The following ANAPC15 variants were observed in gnomAD, a reference collection of about 807,000 sequenced individuals.
ANAPC15 encodes the protein anaphase promoting complex subunit 15, also known as anaphase-promoting complex subunit 15.
In ANAPC15, 13 loss-of-function variants were observed where a neutral mutation model predicts 19.8. The ratio of observed to expected loss-of-function variants is 0.66; its 90% CI spans 0.43 to 1.04. The LOEUF (loss-of-function observed/expected upper bound fraction) is 1.04. Among genes scored for constraint, ANAPC15 ranks in the 50% least tolerant of loss-of-function variants. ANAPC15 has a pLI of 0.00. For missense variants in ANAPC15, 88 were observed against 150.3 expected, an observed-to-expected ratio of 0.59 and a Z score of 2.17; for synonymous variants, 45 against 50.7, an observed-to-expected ratio of 0.89 and a Z score of 0.47.
chr11:72,111,359 A>G (rs1946889743), intron 2 of ANAPC15, 53 bp downstream of exon 2: 3 of 1,223,162 alleles, frequency 2.5e-6, no homozygotes, highest in Non-Finnish European at 3.6e-6. Context: ...TGATTTAGGG[A>G]TAGGGTGGAA....
chr11:72,107,529 A>T, downstream of ANAPC15: 1 of 702,872 alleles, frequency 1.4e-6, no homozygotes, highest in Non-Finnish European at 2.6e-6. Flanking sequence ...GGAATGAGAC[A>T]GCTTGATGGA....
downstream of ANAPC15, chr11:72,108,068 G>C (rs772573727): frequency 6.5e-7 from 1 of 1,541,918 alleles, no homozygotes; most frequent in African/African-American, 1.4e-5. Context: ...ACCCACGCAC[G>C]GCAGCAGTGG....
At chr11:72,109,526 A>C (rs116397624), downstream of ANAPC15, 1,435 of 402,444 alleles carry the variant, frequency 3.6e-3, 15 homozygotes, top group African/African-American at 0.027. Context: ...CTCTTCCTAA[A>C]GCCCAAAAGA....
chr11:72,111,826 G>A (rs1413744027), intron 1 of ANAPC15: 2 of 154,928 alleles, frequency 1.3e-5, no homozygotes, highest in Non-Finnish European at 2.9e-5. Flanking sequence ...TCGGGGTGGA[G>A]GGATTGTAGC....
At chr11:72,107,676 AG>A, downstream of ANAPC15, 1 of 616,970 alleles carries the variant, frequency 1.6e-6, no homozygotes, top group Non-Finnish European at 2.9e-6. Context: ...TCAATCCCAA[AG>A]GCCTTCAGCT....
upstream of ANAPC15, chr11:72,112,736 A>G (rs570492847): frequency 2.6e-5 from 12 of 456,624 alleles, no homozygotes; most frequent in South Asian, 1.5e-4. Context: ...GGACTCACCA[A>G]ACGCATGCGT....
chr11:72,111,049 C>A (rs1300994148), intron 3 of ANAPC15, 108 bp downstream of exon 3: 2 of 812,876 alleles, frequency 2.5e-6, no homozygotes, highest in Non-Finnish European at 2.0e-6. Context: ...CAGCTCAGGG[C>A]AAAAAGCTCT....
downstream of ANAPC15, chr11:72,108,063 C>T (rs1038978268): frequency 1.7e-5 from 26 of 1,545,742 alleles, no homozygotes; most frequent in Non-Finnish European, 2.0e-5. Context: ...GCGGGACCCA[C>T]GCACGGCAGC....
chr11:72,111,313 TTTTGC>T, intron 2 of ANAPC15, 27 bp from the exon 3 acceptor site: 1 of 1,534,810 alleles, frequency 6.5e-7, no homozygotes, highest in Non-Finnish European at 9.0e-7. Flanking sequence ...AGTGAATGTG[TTTTGC>T]TTTGTTTTTG....
At chr11:72,110,042 A>G (rs752485472) in intron 5 of ANAPC15, 46 bp downstream of exon 5, 2 of 1,613,938 alleles carry the variant, frequency 1.2e-6, no homozygotes, top group African/African-American at 1.3e-5. Context: ...CTGGGTCAGG[A>G]GCAAGGGTCC....
At chr11:72,108,093 C>T (rs562245343), downstream of ANAPC15, 86 of 1,531,054 alleles carry the variant, frequency 5.6e-5, no homozygotes, top group Non-Finnish European at 7.0e-5. Context: ...AAAACTCATC[C>T]GCCTGGCCGG....
Position 72,109,926 on chromosome 11 carries a change from C to T in ANAPC15, c.321G>A (p.Val107=), listed in dbSNP as rs1396349490. Residue 107 remains valine (V), a splice_region_variant and synonymous_variant, in exon 6 of 6, where the codon GTG becomes GTA. Coordinates refer to ENST00000227618, the MANE Select transcript of ANAPC15 (RefSeq NM_014042.3). ...GATCCTGTTCGTTGCCTTCCATGTC[C>T]ACCTGGAGAGGAGGCTGGGTGTGGG... is the stretch of plus-strand genomic sequence containing the variant. ...ESPDDGEVNE[V]DMEGNEQDQD... 1 of 1,614,102 alleles carries T rather than the reference C, an allele frequency of 6.2e-7. No individual in the cohort carries two copies. Among genetic ancestry groups the T allele is most frequent in the Non-Finnish European group, 8.5e-7 (1 of 1,180,008 alleles).
intron 1 of ANAPC15, 83 bp downstream of exon 1, chr11:72,112,567 T>G (rs948914909): frequency 1.4e-5 from 6 of 418,508 alleles, no homozygotes; most frequent in African/African-American, 1.0e-4. Flanking sequence ...TCCTGGGGAG[T>G]CGGGTCAAAG....
downstream of ANAPC15, chr11:72,109,464 C>G (rs1946123887): frequency 2.5e-6 from 1 of 399,122 alleles, no homozygotes; most frequent in Admixed American, 3.2e-5. Context: ...CTGGCCTTCC[C>G]TAACTCTGGC....
chr11:72,107,800 G>A (rs1310445216), downstream of ANAPC15: 1 of 1,042,672 alleles, frequency 9.6e-7, no homozygotes, highest in Non-Finnish European at 1.4e-6. Flanking sequence ...TATGGTACAA[G>A]AGACAGATGA....
chr11:72,107,355 CAG>C, downstream of ANAPC15: 2 of 651,598 alleles, frequency 3.1e-6, no homozygotes, highest in South Asian at 3.3e-5. Flanking sequence ...CAAATTCTAA[CAG>C]AGACCTTTCA....
At chr11:72,110,871 A>G (rs566590072) in intron 3 of ANAPC15, 1 of 577,806 alleles carries the variant, frequency 1.7e-6, no homozygotes, top group Non-Finnish European at 3.0e-6. Context: ...CATCTGCTAG[A>G]TCCTCAATTA....
downstream of ANAPC15, chr11:72,107,848 G>A: frequency 6.7e-7 from 1 of 1,496,008 alleles, no homozygotes; most frequent in Non-Finnish European, 9.1e-7. Flanking sequence ...AGGCAGGTAG[G>A]CATTTGAGAT....
In ANAPC15 at chr11:72,110,241, G is replaced by C; in HGVS notation, c.181-16C>G. 6 of 1,612,516 alleles carry C rather than the reference G, an allele frequency of 3.7e-6. No individual in the cohort carries two copies. The highest frequency in any genetic ancestry group is 5.1e-6 in the Non-Finnish European group (6 of 1,180,010). Reference sequence around the variant, plus strand: ...CATCATAGTGCTGGTGGGCAGGACAGAGCCTGTAAGCCCTACAGGCCTGCA... The same window carrying C: ...CATCATAGTGCTGGTGGGCAGGACACAGCCTGTAAGCCCTACAGGCCTGCA... On this transcript the variant is annotated splice_polypyrimidine_tract_variant and intron_variant, in intron 4 of 5. Transcript: ENST00000227618.
Sources: allele counts gnomAD v4.1 joint callset, GRCh38; gene constraint gnomAD v4.1.1; transcripts MANE v1.5; gene names NCBI Gene and HGNC (gene_info 2026-07-23, HGNC 2026-07-21).